Variants in DOK6 observed in about 807,000 individuals in gnomAD.
DOK6 encodes the protein downstream of tyrosine kinase 6.
A neutral mutation model predicts 44.0 loss-of-function variants in DOK6; 22 were observed. The ratio of observed to expected loss-of-function variants is 0.50; its 90% CI spans 0.36 to 0.71. DOK6 has a LOEUF of 0.71. Among genes scored for constraint, DOK6 ranks in the 30% least tolerant of loss-of-function variants. The pLI, the probability that DOK6 is intolerant of heterozygous loss-of-function variation, is 0.00. For missense variants in DOK6, 340 were observed against 416.4 expected (o/e 0.82, Z 1.60); for synonymous variants, 166 against 145.5 (o/e 1.14, Z -1.01).
At chr18:69,534,647 C>T (rs1268213940) in intron 1 of DOK6, among the ~76,000 whole-genome samples, 2 of 151,846 alleles carry the variant, frequency 1.3e-5, no homozygotes, top group Non-Finnish European at 1.5e-5. Context: ...TTTAAAATCC[C>T]AGCTCTGTCA....
chr18:69,413,156 A>G (rs977723174), intron 1 of DOK6, among the ~76,000 whole-genome samples: 2 of 152,168 alleles, frequency 1.3e-5, no homozygotes, highest in African/African-American at 4.8e-5. Context: ...TGTCTAAATC[A>G]GCAAGTGTCA....
chr18:69,662,741 C>G (rs1985561516), intron 3 of DOK6: 2 of 152,164 alleles, frequency 1.3e-5, no homozygotes, highest in Admixed American at 1.3e-4. Flanking sequence ...TTGTGCCATG[C>G]CAATGAAACA....
intron 3 of DOK6, among the ~76,000 whole-genome samples, chr18:69,655,290 A>C (rs1382857186): frequency 6.6e-6 from 1 of 152,166 alleles, no homozygotes; most frequent in Non-Finnish European, 1.5e-5. Context: ...AAGAAAAAAT[A>C]GACATTATAT....
intron 2 of DOK6, among the ~76,000 whole-genome samples, chr18:69,587,428 G>C (rs923126652): frequency 1.1e-4 from 17 of 152,034 alleles, no homozygotes; most frequent in South Asian, 2.1e-4. Context: ...AAAGACACTT[G>C]CCATTAGATT....
At chr18:69,833,675 A>T (rs956241510) in intron 7 of DOK6, among the ~76,000 whole-genome samples, 2 of 152,198 alleles carry the variant, frequency 1.3e-5, no homozygotes, top group Non-Finnish European at 2.9e-5. Flanking sequence ...ACTAGGTATT[A>T]ATAACCAGAA....
At chr18:69,656,430 G>A (rs978057186) in intron 3 of DOK6, among the ~76,000 whole-genome samples, 3 of 152,166 alleles carry the variant, frequency 2.0e-5, no homozygotes, top group African/African-American at 7.2e-5. Flanking sequence ...AGATGTTCTA[G>A]TCAGCGTGCT....
intron 1 of DOK6, among the ~76,000 whole-genome samples, chr18:69,532,503 T>C (rs1982012774): frequency 6.6e-6 from 1 of 152,216 alleles, no homozygotes; most frequent in Admixed American, 6.5e-5. Context: ...AGTTAGGTAA[T>C]GGTTTTCTAA....
At chr18:69,798,760 G>A (rs549041763) in intron 7 of DOK6, among the ~76,000 whole-genome samples, 93 of 151,462 alleles carry the variant, frequency 6.1e-4, no homozygotes, top group African/African-American at 2.2e-3. Flanking sequence ...TATATATTTA[G>A]AAATAAATGT....
intron 3 of DOK6, among the ~76,000 whole-genome samples, chr18:69,622,781 A>C (rs933427793): frequency 1.3e-5 from 2 of 152,220 alleles, no homozygotes; most frequent in Non-Finnish European, 2.9e-5. Context: ...AAGGCATATA[A>C]ATGTGAAACT....
At chr18:69,821,799 T>TAA (rs1555673048) in intron 7 of DOK6, among the ~76,000 whole-genome samples, 81 of 149,338 alleles carry the variant, frequency 5.4e-4, no homozygotes, top group African/African-American at 7.4e-4. Flanking sequence ...TTTTTTTTTT[T>TAA]AAAAAAAATC....
chr18:69,490,963 G>A (rs1182582838), intron 1 of DOK6, among the ~76,000 whole-genome samples: 1 of 152,194 alleles, frequency 6.6e-6, no homozygotes, highest in African/African-American at 2.4e-5. Flanking sequence ...CCCTCAGAAG[G>A]CCGCAGTCCC....
intron 1 of DOK6, among the ~76,000 whole-genome samples, chr18:69,533,832 G>A (rs947472592): frequency 3.9e-5 from 6 of 151,944 alleles, no homozygotes; most frequent in Non-Finnish European, 1.5e-5. Flanking sequence ...GATTTTAAAT[G>A]TCATTTATAT....
intron 3 of DOK6, among the ~76,000 whole-genome samples, chr18:69,632,819 T>C (rs886335951): frequency 4.6e-5 from 7 of 152,224 alleles, no homozygotes; most frequent in African/African-American, 1.7e-4. Flanking sequence ...AAAATAAGCA[T>C]TAGAATCCAG....
At chr18:69,772,929 G>A (rs1299784385) in intron 7 of DOK6, among the ~76,000 whole-genome samples, 1 of 152,016 alleles carries the variant, frequency 6.6e-6, no homozygotes, top group Non-Finnish European at 1.5e-5. Context: ...GAAAATATTT[G>A]CAAACTGTAT....
At chr18:69,773,623 G>A (rs1344495767) in intron 7 of DOK6, among the ~76,000 whole-genome samples, 1 of 151,962 alleles carries the variant, frequency 6.6e-6, no homozygotes, top group Non-Finnish European at 1.5e-5. Context: ...TTTATGTGGA[G>A]TATATGAAAT....
At chr18:69,509,632 T>C (rs1365512164) in intron 1 of DOK6, among the ~76,000 whole-genome samples, 29 of 110,296 alleles carry the variant, frequency 2.6e-4, no homozygotes, top group East Asian at 2.1e-3. Context: ...AGCTAGGCTC[T>C]GTCTCAAAAA....
chr18:69,594,079 G>A (rs1057208830), intron 2 of DOK6, among the ~76,000 whole-genome samples: 11 of 151,914 alleles, frequency 7.2e-5, no homozygotes, highest in Admixed American at 4.6e-4. Flanking sequence ...TTCAGAACAC[G>A]ATTTAATGTG....
intron 1 of DOK6, among the ~76,000 whole-genome samples, chr18:69,499,223 ATG>A (rs1980981749): frequency 6.6e-6 from 1 of 152,022 alleles, no homozygotes; most frequent in African/African-American, 2.4e-5. Flanking sequence ...ATATGTGTGT[ATG>A]TATATATATA....
chr18:69,719,592 T>TA (rs1277644913), intron 5 of DOK6, among the ~76,000 whole-genome samples: 1 of 152,218 alleles, frequency 6.6e-6, no homozygotes, highest in Non-Finnish European at 1.5e-5. Context: ...GCCCCTACCA[T>TA]AATTCTAACC....
Sources: allele counts gnomAD v4.1 joint callset (sites outside exome capture counted in the v4.1 genomes callset), GRCh38; gene constraint gnomAD v4.1.1; transcripts MANE v1.5; gene names NCBI Gene and HGNC (gene_info 2026-07-23, HGNC 2026-07-21).